Variants in MYLK observed in about 807,000 individuals in gnomAD.
MYLK encodes myosin light chain kinase.
Under a neutral mutation model 203.4 loss-of-function variants are expected in MYLK, and 106 were observed. The ratio of observed to expected loss-of-function variants is 0.52; its 90% CI spans 0.45 to 0.61. MYLK has a LOEUF of 0.61. Among genes scored for constraint, MYLK ranks in the 20% least tolerant of loss-of-function variants. The pLI is 0.00. For synonymous variants in MYLK, 867 were observed against 959.5 expected, an observed-to-expected ratio of 0.90 and a Z score of 1.78; for missense variants, 2,072 against 2,442.3, an observed-to-expected ratio of 0.85 and a Z score of 3.20.
intron 4 of MYLK, among the ~76,000 whole-genome samples, chr3:123,764,879 C>T (rs1182957832): frequency 1.3e-5 from 2 of 152,156 alleles, no homozygotes; most frequent in East Asian, 3.8e-4. Flanking sequence ...AGGCATAGCG[C>T]GTCAGAAGAC....
chr3:123,673,585 GCTT>G (rs770615169), intron 20 of MYLK, among the ~76,000 whole-genome samples: 2 of 152,250 alleles, frequency 1.3e-5, no homozygotes. Context: ...TGGCACCTGT[GCTT>G]CTTCTCCCCA....
At chr3:123,676,211 T>G (rs1283233100) in intron 20 of MYLK, among the ~76,000 whole-genome samples, 1 of 152,220 alleles carries the variant, frequency 6.6e-6, no homozygotes, top group East Asian at 1.9e-4. Context: ...CACATGCCTG[T>G]GGGTGGGAGT....
chr3:123,723,758 G>A (rs764803051), intron 12 of MYLK, among the ~76,000 whole-genome samples: 2 of 152,228 alleles, frequency 1.3e-5, no homozygotes, highest in Non-Finnish European at 2.9e-5. Context: ...CTAGTGGAAT[G>A]GGTGTGGAAA....
intron 31 of MYLK, chr3:123,622,119 C>T (rs1266880076): frequency 6.6e-6 from 1 of 152,276 alleles, no homozygotes; most frequent in Non-Finnish European, 1.5e-5. Context: ...CCATGGCAGC[C>T]CTCCCTACGT....
chr3:123,692,218 A>G (rs1299603542), intron 19 of MYLK: 2 of 694,466 alleles, frequency 2.9e-6, no homozygotes, highest in African/African-American at 3.7e-5. Context: ...TATTATTACT[A>G]CTACCATTTT....
In MYLK at chr3:123,735,495, C is replaced by T. The variant is rs1184206641; in HGVS notation, c.755-79G>A. On this transcript the variant is annotated intron_variant, in intron 8 of 33. Transcript: ENST00000360304. ...AAATTTCCCTCCCCAGGCACTTCCT[C>T]ATCACCGTGGTCCCACCCTGCTGGC... 3 of 1,546,080 alleles carry T rather than the reference C, an allele frequency of 1.9e-6. No individual in the cohort carries two copies. In the African/African-American group the frequency reaches 4.1e-5, roughly 21 times the overall value.
At chr3:123,683,856 T>C (rs1002729179) in intron 19 of MYLK, among the ~76,000 whole-genome samples, 43 of 152,154 alleles carry the variant, frequency 2.8e-4, no homozygotes, top group African/African-American at 9.9e-4. Context: ...AAGTAGCACT[T>C]GACACCAAAA....
chr3:123,734,247 AGGGT>A, intron 9 of MYLK, 25 bp from the exon 10 acceptor site: 1 of 487,150 alleles, frequency 2.1e-6, no homozygotes, highest in Non-Finnish European at 3.6e-6. Flanking sequence ...GGGTGGGGGT[AGGGT>A]GGGTGAGGAG....
At chr3:123,649,245 A>G (rs1246814979) in intron 24 of MYLK, 51 bp from the exon 25 acceptor site, 1 of 1,610,016 alleles carries the variant, frequency 6.2e-7, no homozygotes, top group Admixed American at 1.7e-5. Context: ...TTAGTACTGA[A>G]GGCCCACTGA....
chr3:123,656,294 C>A (rs1404598824), intron 24 of MYLK, among the ~76,000 whole-genome samples: 2 of 152,222 alleles, frequency 1.3e-5, no homozygotes, highest in African/African-American at 2.4e-5. Flanking sequence ...CTGTGAATAG[C>A]AAATCCCTGC....
intron 8 of MYLK, 82 bp from the exon 9 acceptor site, chr3:123,735,498 C>T: frequency 1.3e-6 from 2 of 1,519,782 alleles, no homozygotes; most frequent in Non-Finnish European, 1.8e-6. Context: ...ACTTCCTCAT[C>T]ACCGTGGTCC....
chr3:123,872,969 TA>T (rs2032901324), intron 2 of MYLK, among the ~76,000 whole-genome samples: 1 of 152,084 alleles, frequency 6.6e-6, no homozygotes, highest in South Asian at 2.1e-4. Context: ...TGAAGCTATA[TA>T]GGGGCTCACC....
chr3:123,640,242 G>C lies in MYLK; in HGVS notation c.4837+45C>G, dbSNP rs749911753. 1.3e-6 allele frequency: 2 copies of C among 1,567,946 alleles called. No individual in the cohort carries two copies. The highest frequency in any genetic ancestry group is 1.8e-6 in the Non-Finnish European group (2 of 1,138,384). ...CACTCAGTGTGAGAGGAAACGGCCAGTGCAATACACACTGGTGTCCATGGG... is the reference window on the plus strand; with the variant it reads ...CACTCAGTGTGAGAGGAAACGGCCACTGCAATACACACTGGTGTCCATGGG... On this transcript the variant is annotated intron_variant, in intron 28 of 33. Transcript: ENST00000360304. The surrounding 1 kb of genome is among the most constrained non-coding windows in gnomAD (Gnocchi z 4.3).
intron 4 of MYLK, among the ~76,000 whole-genome samples, chr3:123,765,812 G>A (rs770730570): frequency 3.3e-5 from 5 of 152,194 alleles, no homozygotes; most frequent in African/African-American, 1.2e-4. Flanking sequence ...GCTAAGTAAA[G>A]TAAGACGGTC....
At chr3:123,728,364 A>G (rs2062362612) in intron 11 of MYLK, among the ~76,000 whole-genome samples, 1 of 152,180 alleles carries the variant, frequency 6.6e-6, no homozygotes, top group Non-Finnish European at 1.5e-5. Flanking sequence ...TTAAAATATT[A>G]GCCAGGCATG....
chr3:123,620,384 A>G (rs756607557), intron 31 of MYLK, 48 bp from the exon 32 acceptor site: 24 of 1,613,160 alleles, frequency 1.5e-5, no homozygotes, highest in Non-Finnish European at 2.0e-5. Flanking sequence ...CCCTGGTTCC[A>G]GCTGGGTAGT....
At chr3:123,615,571 TA>T (rs556040880) in intron 33 of MYLK, among the ~76,000 whole-genome samples, 1 of 151,824 alleles carries the variant, frequency 6.6e-6, no homozygotes, top group Non-Finnish European at 1.5e-5. Flanking sequence ...TGACCTCAGG[TA>T]ATCTGCCTGC....
At chr3:123,697,162 C>T (rs2060963186) in intron 18 of MYLK, among the ~76,000 whole-genome samples, 1 of 152,260 alleles carries the variant, frequency 6.6e-6, no homozygotes, top group African/African-American at 2.4e-5. Flanking sequence ...TCAGAATGCC[C>T]TACTGCCTGA....
intron 24 of MYLK, among the ~76,000 whole-genome samples, chr3:123,654,713 C>CTTTTTTTTTTT (rs1201129769): frequency 8.0e-6 from 1 of 125,286 alleles, no homozygotes; most frequent in African/African-American, 3.3e-5. Context: ...TTCTTTAATT[C>CTTTTTTTTTTT]TTTTTTTTTT....
Sources: allele counts gnomAD v4.1 joint callset (sites outside exome capture counted in the v4.1 genomes callset), GRCh38; gene constraint gnomAD v4.1.1; non-coding constraint Gnocchi (gnomAD v3.1); transcripts MANE v1.5; gene names NCBI Gene and HGNC (gene_info 2026-07-23, HGNC 2026-07-21).